The following RGS22 variants were observed in gnomAD, a reference collection of about 807,000 sequenced individuals.
RGS22 encodes the protein regulator of G protein signaling 22, also known as regulator of G-protein signaling 22.
In RGS22, 148 loss-of-function variants were observed where a neutral mutation model predicts 172.9. The observed-to-expected ratio is 0.86, with a 90% CI of 0.75 to 0.98. The LOEUF (loss-of-function observed/expected upper bound fraction) is 0.98. RGS22 is among the 50% of genes least tolerant of loss of function. The probability of loss-of-function intolerance (pLI) is 0.00; values close to 1 mark genes in which losing one functional copy is unlikely to be tolerated. For synonymous variants in RGS22, 458 were observed against 480.2 expected, an observed-to-expected ratio of 0.95 and a Z score of 0.60; for missense variants, 1,347 against 1,440.8, an observed-to-expected ratio of 0.93 and a Z score of 1.05.
At chr8:100,023,623 T>A (rs1348773701) in intron 14 of RGS22, among the ~76,000 whole-genome samples, 1 of 151,910 alleles carries the variant, frequency 6.6e-6, no homozygotes, top group African/African-American at 2.4e-5. Context: ...TTTGTAGAAA[T>A]AGGGCCTCAC....
chr8:100,012,372 T>C (rs932069721), intron 14 of RGS22, among the ~76,000 whole-genome samples: 1 of 152,102 alleles, frequency 6.6e-6, no homozygotes, highest in Admixed American at 6.6e-5. Flanking sequence ...AAATAAGAGA[T>C]GAGTGGCTTA....
At chr8:100,059,800 T>C (rs1809962468) in intron 9 of RGS22, among the ~76,000 whole-genome samples, 1 of 152,228 alleles carries the variant, frequency 6.6e-6, no homozygotes, top group Non-Finnish European at 1.5e-5. Context: ...GTACTATAGT[T>C]ATGCAAGATG....
rs1378206527 is a variant in RGS22, at chr8:100,050,178, TG to T, written c.1690-2583del. Among the ~76,000 whole-genome samples, 3 of 152,224 alleles carry T rather than the reference TG, an allele frequency of 2.0e-5. No homozygotes were observed. The East Asian group carries it at 5.8e-4, about 29-fold the overall frequency. ...TAACAAGCTCTTCAGCTGACTTTTC[TG>T]AATGCTATAAAGCTTGAGAACCACC... On this transcript the variant is annotated intron_variant, in intron 10 of 27. Transcript: ENST00000360863.
At chr8:100,032,524 T>C (rs1818936020) in intron 14 of RGS22, among the ~76,000 whole-genome samples, 1 of 151,838 alleles carries the variant, frequency 6.6e-6, no homozygotes, top group Admixed American at 6.6e-5. Flanking sequence ...AAGCAAGTCC[T>C]TAGAGACCTA....
rs1244386057 is a variant in RGS22, at chr8:99,977,914, C to T, written c.3519+3G>A. On this transcript the variant is annotated splice_donor_region_variant and intron_variant, in intron 23 of 27. Transcript: ENST00000360863. The stretch of plus-strand genomic sequence containing the variant: ...ATAAAACCCAAAATGAGTCTTGTCT[C>T]ACCTTTCCAGATTTTTCGTCTTCTA... 7 of 1,560,652 alleles carry T rather than the reference C, an allele frequency of 4.5e-6. No individual in the cohort carries two copies. The highest frequency in any genetic ancestry group is 2.4e-5 in the East Asian group (1 of 42,270).
At chr8:99,973,755 G>T (rs1588881092) in intron 23 of RGS22, among the ~76,000 whole-genome samples, 1 of 151,512 alleles carries the variant, frequency 6.6e-6, no homozygotes, top group East Asian at 1.9e-4. Flanking sequence ...TGTAATCCCA[G>T]CTACTTGGGA....
At chr8:100,084,886 C>T (rs945439098) in intron 3 of RGS22, among the ~76,000 whole-genome samples, 7 of 152,092 alleles carry the variant, frequency 4.6e-5, no homozygotes, top group African/African-American at 1.7e-4. Flanking sequence ...AAACAAAATA[C>T]CGAAATAAAT....
intron 9 of RGS22, among the ~76,000 whole-genome samples, chr8:100,059,720 T>C (rs1359298370): frequency 1.3e-5 from 2 of 152,204 alleles, no homozygotes; most frequent in East Asian, 3.9e-4. Context: ...ACTTTCAGCA[T>C]TGGACAGATC....
intron 14 of RGS22, among the ~76,000 whole-genome samples, chr8:100,032,278 G>A (rs1228003040): frequency 3.3e-5 from 5 of 152,082 alleles, no homozygotes; most frequent in Non-Finnish European, 5.9e-5. Context: ...CCCATCTCAC[G>A]TGCAGAGACA....
intron 20 of RGS22, among the ~76,000 whole-genome samples, chr8:99,990,645 G>A (rs574400756): frequency 1.2e-4 from 18 of 152,250 alleles, no homozygotes; most frequent in African/African-American, 3.1e-4. Context: ...AAAGCCCACC[G>A]CAGCTCAACA....
At chr8:99,985,877 A>G (rs546086474) in intron 21 of RGS22, among the ~76,000 whole-genome samples, 2 of 152,240 alleles carry the variant, frequency 1.3e-5, no homozygotes, top group East Asian at 3.9e-4. Flanking sequence ...ACTTGTTCAT[A>G]TTCATATTAG....
chr8:100,022,817 C>A (rs1428107135), intron 14 of RGS22, among the ~76,000 whole-genome samples: 1 of 151,980 alleles, frequency 6.6e-6, no homozygotes, highest in Admixed American at 6.6e-5. Flanking sequence ...GCAGTCTCAG[C>A]TGACTGCAAC....
chr8:99,992,313 CA>C (rs1813841945), intron 20 of RGS22, among the ~76,000 whole-genome samples: 1 of 152,142 alleles, frequency 6.6e-6, no homozygotes, highest in South Asian at 2.1e-4. Context: ...TTAAAAGACA[CA>C]AACTGGCAAA....
chr8:100,075,138 G>A (rs1811259273), intron 4 of RGS22, among the ~76,000 whole-genome samples: 1 of 152,062 alleles, frequency 6.6e-6, no homozygotes, highest in South Asian at 2.1e-4. Flanking sequence ...AGGATAGATG[G>A]GCAGTGATAT....
intron 2 of RGS22, among the ~76,000 whole-genome samples, chr8:100,095,449 G>A (rs1812890978): frequency 6.6e-6 from 1 of 152,174 alleles, no homozygotes; most frequent in Non-Finnish European, 1.5e-5. Flanking sequence ...CTCCTAAAGT[G>A]CTGGGATTAC....
rs140025155 is a variant in RGS22, at chr8:100,026,927, T to C, written c.2166+12004A>G. On this transcript the variant is annotated intron_variant, in intron 14 of 27. Transcript: ENST00000360863. ...AGTAAAGCGAGAAATTATTTCATTA[T>C]CAGTTAAGACACTATTACCTGGTCG... Among the ~76,000 whole-genome samples the C allele has an allele frequency of 1.8e-4, 27 of 152,312 alleles. 2 individuals carry two copies. The East Asian group carries it at 5.2e-3, about 29-fold the overall frequency.
At chr8:100,010,227 C>T (rs1160313086) in intron 14 of RGS22, among the ~76,000 whole-genome samples, 4 of 152,118 alleles carry the variant, frequency 2.6e-5, no homozygotes, top group African/African-American at 4.8e-5. Context: ...GTGGCTCACA[C>T]CTGTAATCCC....
At chr8:100,017,916 C>G (rs962536549) in intron 14 of RGS22, among the ~76,000 whole-genome samples, 2 of 152,184 alleles carry the variant, frequency 1.3e-5, no homozygotes, top group Non-Finnish European at 2.9e-5. Context: ...ATATTCCAGT[C>G]AGCTACTCTG....
At chr8:99,972,123 A>T (rs1811427483) in intron 23 of RGS22, among the ~76,000 whole-genome samples, 1 of 152,188 alleles carries the variant, frequency 6.6e-6, no homozygotes, top group Non-Finnish European at 1.5e-5. Context: ...GATCTTCGAC[A>T]AACCTGACAA....
Sources: gnomAD v4.1 joint callset for allele counts (sites outside exome capture counted in the v4.1 genomes callset) on GRCh38, gnomAD v4.1.1 for gene constraint, MANE v1.5 for transcripts, NCBI Gene and HGNC (gene_info 2026-07-23, HGNC 2026-07-21) for gene names.